SLCO5A1: variants seen among roughly 807,000 people sequenced by gnomAD.
SLCO5A1 encodes solute carrier organic anion transporter family member 5A1.
SLCO5A1 carries 39 observed loss-of-function variants against 65.1 expected under a neutral mutation model. That is an observed-to-expected ratio of 0.60 (90% CI 0.46 to 0.78). The LOEUF is 0.78. Among genes scored for constraint, SLCO5A1 ranks in the 30% least tolerant of loss-of-function variants. The pLI is 0.00. For missense variants in SLCO5A1, 1,029 were observed against 1,069.4 expected (o/e 0.96, Z 0.53); for synonymous variants, 438 against 415.7 (o/e 1.05, Z -0.65).
At chr8:69,803,359 G>A (rs190718644) in intron 2 of SLCO5A1, among the ~76,000 whole-genome samples, 17 of 152,272 alleles carry the variant, frequency 1.1e-4, no homozygotes, top group Non-Finnish European at 1.3e-4. Flanking sequence ...AGAGGTTGCC[G>A]TGAGCCAAGA....
intron 4 of SLCO5A1, among the ~76,000 whole-genome samples, chr8:69,747,223 G>T (rs141987584): frequency 6.6e-6 from 1 of 152,216 alleles, no homozygotes; most frequent in Non-Finnish European, 1.5e-5. Flanking sequence ...TATTAACCTC[G>T]TCATATCATC....
Position 69,832,594 on chromosome 8 carries a change from C to G in SLCO5A1, c.80G>C (p.Arg27Thr). Residue 27 changes from arginine to threonine, a missense_variant, in exon 2 of 10, where the codon AGG (arginine) becomes ACG (threonine). This residue lies in a region of SLCO5A1 where 647 missense variants were observed against 647.5 expected (regional missense o/e 1.00). Transcript: ENST00000260126. The surrounding 1 kb of genome is among the most constrained non-coding windows in gnomAD (Gnocchi z 4.5). ...APATAEAVQE[R>T]CEPETLRSKS... ...AGACCTGAGGGTCTCCGGCTCGCAC[C>G]TCTCTTGGACAGCTTCTGCAGTGGC... 1 of 1,612,758 alleles carries G rather than the reference C, an allele frequency of 6.2e-7. No homozygotes were observed. The highest frequency in any genetic ancestry group is 8.5e-7 in the Non-Finnish European group (1 of 1,179,838).
intron 9 of SLCO5A1, among the ~76,000 whole-genome samples, chr8:69,674,858 T>TAA (rs201701403): frequency 3.2e-4 from 24 of 74,300 alleles, no homozygotes; most frequent in East Asian, 6.6e-4. Flanking sequence ...CCATCTCTAC[T>TAA]AAAAAAAAAA....
intron 1 of SLCO5A1, 175 bp from the exon 2 acceptor site, chr8:69,833,344 G>T (rs985350835): frequency 6.6e-6 from 1 of 152,308 alleles, no homozygotes; most frequent in African/African-American, 2.4e-5. Context: ...CTCCAGTCCC[G>T]GAACAATAAG....
Position 69,672,676 on chromosome 8 carries a change from C to G in SLCO5A1, c.*193G>C. ...TGAACGTCTCCTTCTTGGAGAGAAGCGGGGAAAGGCTCTCAGTCTTGTTGA... is the reference window on the plus strand; with the variant it reads ...TGAACGTCTCCTTCTTGGAGAGAAGGGGGGAAAGGCTCTCAGTCTTGTTGA... On this transcript the variant is annotated 3_prime_UTR_variant, in exon 10 of 10. Coordinates refer to ENST00000260126, the MANE Select transcript of SLCO5A1 (RefSeq NM_030958.3). 1.6e-6 allele frequency: 1 copy of G among 607,436 alleles called. No individual in the cohort carries two copies. The highest frequency in any genetic ancestry group is 2.8e-6 in the Non-Finnish European group (1 of 353,974). The allele number at this position is 607,436 out of a possible 1,614,324, so 37.6% of individuals were successfully genotyped here.
intron 2 of SLCO5A1, among the ~76,000 whole-genome samples, chr8:69,770,234 C>A (rs559186053): frequency 6.6e-6 from 1 of 152,132 alleles, no homozygotes; most frequent in South Asian, 2.1e-4. Flanking sequence ...TTACAAATAT[C>A]TAGCTGAGAT....
chr8:69,717,740 T>C (rs1815622281), intron 5 of SLCO5A1, among the ~76,000 whole-genome samples: 1 of 152,230 alleles, frequency 6.6e-6, no homozygotes, highest in Non-Finnish European at 1.5e-5. Context: ...ACATGCAATG[T>C]CTTTTCATTT....
At chr8:69,768,283 C>A (rs114065329) in intron 2 of SLCO5A1, among the ~76,000 whole-genome samples, 1 of 152,188 alleles carries the variant, frequency 6.6e-6, no homozygotes, top group Non-Finnish European at 1.5e-5. Context: ...GATTACATAT[C>A]ATGATCAAAA....
At chr8:69,795,637 G>A (rs188248200) in intron 2 of SLCO5A1, among the ~76,000 whole-genome samples, 2 of 152,304 alleles carry the variant, frequency 1.3e-5, no homozygotes, top group East Asian at 3.9e-4. Context: ...CCAGGCTAAG[G>A]GTGCAAGATG....
Position 69,730,999 on chromosome 8 carries a change from C to A in SLCO5A1, c.1423+7041G>T, listed in dbSNP as rs150232875. Among the ~76,000 whole-genome samples the A allele has an allele frequency of 2.5e-3, 371 of 148,686 alleles. 3 individuals carry two copies. Among genetic ancestry groups the A allele is most frequent in the African/African-American group, 9.2e-3 (365 of 39,740 alleles). On this transcript the variant is annotated intron_variant, in intron 5 of 9. Coordinates refer to ENST00000260126, the MANE Select transcript of SLCO5A1 (RefSeq NM_030958.3). The stretch of plus-strand genomic sequence containing the variant: ...TATTAGGTTGGTGCAAAAGTAATTG[C>A]AATTTTTTTTTTTTTTGAGATGAAG...
chr8:69,774,805 G>A (rs1818491766), intron 2 of SLCO5A1, among the ~76,000 whole-genome samples: 1 of 152,188 alleles, frequency 6.6e-6, no homozygotes, highest in Non-Finnish European at 1.5e-5. Flanking sequence ...ACACAGCACT[G>A]CAGATAACAG....
At chr8:69,780,207 T>G (rs1818734616) in intron 2 of SLCO5A1, among the ~76,000 whole-genome samples, 1 of 152,224 alleles carries the variant, frequency 6.6e-6, no homozygotes, top group South Asian at 2.1e-4. Flanking sequence ...TTGATGGGAA[T>G]GTCAATTAGT....
chr8:69,742,904 G>A (rs1479055311), intron 4 of SLCO5A1, among the ~76,000 whole-genome samples: 2 of 148,772 alleles, frequency 1.3e-5, no homozygotes, highest in African/African-American at 5.0e-5. Context: ...GGGTTCAAGT[G>A]ATTCTCCTGC....
chr8:69,708,439 T>A (rs997370866), intron 5 of SLCO5A1, among the ~76,000 whole-genome samples: 1 of 152,110 alleles, frequency 6.6e-6, no homozygotes, highest in Non-Finnish European at 1.5e-5. Context: ...TGGGTGCCTG[T>A]AATCCCAGCT....
Position 69,744,845 on chromosome 8 carries a change from G to A in SLCO5A1, c.1259-6641C>T, listed in dbSNP as rs572456231. Reference sequence around the variant, plus strand: ...GAAAGCATAAGTCATAAGATGAAAGGTGGTCCACAGTGGTGAACTCACTGA... The same window carrying A: ...GAAAGCATAAGTCATAAGATGAAAGATGGTCCACAGTGGTGAACTCACTGA... On this transcript the variant is annotated intron_variant, in intron 4 of 9. Coordinates refer to ENST00000260126, the MANE Select transcript of SLCO5A1 (RefSeq NM_030958.3). Among the ~76,000 whole-genome samples the A allele has an allele frequency of 2.0e-5, 3 of 152,308 alleles. No individual in the cohort carries two copies. In the South Asian group the frequency reaches 6.2e-4, roughly 32 times the overall value.
intron 5 of SLCO5A1, among the ~76,000 whole-genome samples, chr8:69,710,100 C>G (rs980241811): frequency 2.0e-5 from 3 of 148,074 alleles, no homozygotes; most frequent in African/African-American, 7.5e-5. Context: ...CTCACAGAAA[C>G]CTCCGCCTCC....
chr8:69,828,393 G>A (rs1259827494), intron 2 of SLCO5A1, among the ~76,000 whole-genome samples: 1 of 152,114 alleles, frequency 6.6e-6, no homozygotes, highest in Non-Finnish European at 1.5e-5. Context: ...ACGAGGTCAG[G>A]AGATTGAGAC....
intron 5 of SLCO5A1, among the ~76,000 whole-genome samples, chr8:69,723,259 A>G (rs945963274): frequency 2.0e-5 from 3 of 151,718 alleles, no homozygotes; most frequent in Admixed American, 6.6e-5. Flanking sequence ...TTTTTATTTT[A>G]TTTATTTTTT....
intron 5 of SLCO5A1, among the ~76,000 whole-genome samples, chr8:69,706,106 AAGAAACAT>A (rs1247513641): frequency 6.6e-6 from 1 of 152,244 alleles, no homozygotes; most frequent in Non-Finnish European, 1.5e-5. Context: ...ATTAAATGGA[AAGAAACAT>A]AGCTACACAC....
Sources: gnomAD v4.1 joint callset for allele counts (sites outside exome capture counted in the v4.1 genomes callset) on GRCh38, gnomAD v4.1.1 for gene constraint, gnomAD v4.1.1 regional missense constraint, Gnocchi (gnomAD v3.1) non-coding constraint, MANE v1.5 for transcripts, NCBI Gene and HGNC (gene_info 2026-07-23, HGNC 2026-07-21) for gene names.